MAN1A1: variants seen among roughly 807,000 people sequenced by gnomAD.
MAN1A1 encodes mannosyl-oligosaccharide 1,2-alpha-mannosidase IA.
In MAN1A1, 29 loss-of-function variants were observed where a neutral mutation model predicts 70.8. That is an observed-to-expected ratio of 0.41 (90% confidence interval 0.31 to 0.56). MAN1A1 has a LOEUF of 0.56. Among genes scored for constraint, MAN1A1 ranks in the 20% least tolerant of loss-of-function variants. The pLI, the probability that MAN1A1 is intolerant of heterozygous loss-of-function variation, is 0.29. For missense variants in MAN1A1, 747 were observed against 841.3 expected (o/e 0.89, Z 1.39); for synonymous variants, 349 against 330.1 (o/e 1.06, Z -0.62).
intron 5 of MAN1A1, among the ~76,000 whole-genome samples, chr6:119,280,821 T>A (rs1776208742): frequency 6.6e-6 from 1 of 152,234 alleles, no homozygotes; most frequent in African/African-American, 2.4e-5. Flanking sequence ...AGTGATTCAA[T>A]ATAAATCAAA....
At chr6:119,266,430 A>G (rs1242987816) in intron 5 of MAN1A1, among the ~76,000 whole-genome samples, 1 of 152,188 alleles carries the variant, frequency 6.6e-6, no homozygotes, top group Non-Finnish European at 1.5e-5. Flanking sequence ...ATTGATCCAC[A>G]TAAATACAGT....
chr6:119,322,253 T>G (rs1562241800), intron 2 of MAN1A1, among the ~76,000 whole-genome samples: 2 of 152,208 alleles, frequency 1.3e-5, no homozygotes, highest in Non-Finnish European at 2.9e-5. Flanking sequence ...TGTATGTCTG[T>G]GATGATCTTA....
intron 6 of MAN1A1, among the ~76,000 whole-genome samples, chr6:119,214,193 T>C (rs1272085718): frequency 6.6e-6 from 1 of 152,132 alleles, no homozygotes; most frequent in East Asian, 1.9e-4. Context: ...CTCGAACTCC[T>C]GACCTCGTGA....
intron 2 of MAN1A1, among the ~76,000 whole-genome samples, chr6:119,329,883 G>A (rs1174546468): frequency 6.6e-6 from 1 of 152,070 alleles, no homozygotes; most frequent in East Asian, 1.9e-4. Flanking sequence ...TCTTCTACCT[G>A]CTTCTTACCA....
chr6:119,321,888 G>A (rs1307227009), intron 2 of MAN1A1, among the ~76,000 whole-genome samples: 3 of 152,028 alleles, frequency 2.0e-5, no homozygotes, highest in Non-Finnish European at 4.4e-5. Context: ...CAAAGTGCTG[G>A]GATTACAGGC....
At chr6:119,275,496 C>A (rs1212758957) in intron 5 of MAN1A1, among the ~76,000 whole-genome samples, 2 of 147,936 alleles carry the variant, frequency 1.4e-5, no homozygotes, top group Admixed American at 6.7e-5. Context: ...TTAGTAGAGA[C>A]GGGGTTTCAC....
intron 11 of MAN1A1, among the ~76,000 whole-genome samples, chr6:119,186,007 G>A (rs1487174413): frequency 6.6e-6 from 1 of 152,118 alleles, no homozygotes; most frequent in African/African-American, 2.4e-5. Flanking sequence ...CAAGGGAAAT[G>A]ATGGATGAGG....
At chr6:119,295,249 A>G (rs1772174802) in intron 4 of MAN1A1, among the ~76,000 whole-genome samples, 1 of 152,158 alleles carries the variant, frequency 6.6e-6, no homozygotes, top group Non-Finnish European at 1.5e-5. Context: ...TAGACAAGAC[A>G]GCACTTTAAA....
chr6:119,332,420 C>T (rs171843), intron 2 of MAN1A1, among the ~76,000 whole-genome samples: 27,704 of 152,102 alleles, frequency 0.18, 2,883 homozygotes, highest in Admixed American at 0.29. Context: ...TTAACTGTTG[C>T]CTCTGTTTTA....
At chr6:119,305,940 TTAG>T (rs1170736884) in intron 3 of MAN1A1, among the ~76,000 whole-genome samples, 1 of 152,126 alleles carries the variant, frequency 6.6e-6, no homozygotes, top group Non-Finnish European at 1.5e-5. Flanking sequence ...GCTCTGCCAG[TTAG>T]TAGGTGGCTA....
intron 2 of MAN1A1, among the ~76,000 whole-genome samples, chr6:119,345,631 T>A (rs1472438082): frequency 6.6e-6 from 1 of 152,218 alleles, no homozygotes; most frequent in Non-Finnish European, 1.5e-5. Flanking sequence ...ACTAGTAACA[T>A]AAATGTGCCA....
chr6:119,180,273 G>T, intron 12 of MAN1A1, 39 bp downstream of exon 12: 1 of 1,384,446 alleles, frequency 7.2e-7, no homozygotes, highest in Non-Finnish European at 1.0e-6. Context: ...ATCTGTTCAG[G>T]TACCTTAGCC....
chr6:119,340,193 C>T (rs1345981352), intron 2 of MAN1A1, among the ~76,000 whole-genome samples: 1 of 152,162 alleles, frequency 6.6e-6, no homozygotes, highest in African/African-American at 2.4e-5. Flanking sequence ...CCTGAGCTTC[C>T]CTAATCATTC....
At chr6:119,185,260 T>A (rs746679461) in intron 11 of MAN1A1, among the ~76,000 whole-genome samples, 3 of 152,184 alleles carry the variant, frequency 2.0e-5, no homozygotes, top group Non-Finnish European at 4.4e-5. Context: ...GACTCACAAG[T>A]GCTTGAACAC....
chr6:119,241,572 C>T (rs1775004051), intron 6 of MAN1A1, among the ~76,000 whole-genome samples: 1 of 152,166 alleles, frequency 6.6e-6, no homozygotes, highest in Admixed American at 6.6e-5. Flanking sequence ...ATGATCTCTC[C>T]TGGCAATTGT....
At chr6:119,242,730 T>A (rs1484969609) in intron 6 of MAN1A1, among the ~76,000 whole-genome samples, 1 of 152,176 alleles carries the variant, frequency 6.6e-6, no homozygotes, top group African/African-American at 2.4e-5. Context: ...GAGGTCAAGA[T>A]AGGCATTATT....
At chr6:119,322,715 A>T (rs991845742) in intron 2 of MAN1A1, among the ~76,000 whole-genome samples, 6 of 152,234 alleles carry the variant, frequency 3.9e-5, no homozygotes, top group Non-Finnish European at 7.3e-5. Flanking sequence ...TGATGAAGAC[A>T]CTTAAGTATT....
At chr6:119,320,182 C>T (rs1273074734) in intron 2 of MAN1A1, among the ~76,000 whole-genome samples, 1 of 152,144 alleles carries the variant, frequency 6.6e-6, no homozygotes, top group South Asian at 2.1e-4. Flanking sequence ...CTATGTTGGC[C>T]AGGCTGGTCT....
At chr6:119,277,387 A>C (rs1776095148) in intron 5 of MAN1A1, among the ~76,000 whole-genome samples, 1 of 152,260 alleles carries the variant, frequency 6.6e-6, no homozygotes, top group Admixed American at 6.5e-5. Flanking sequence ...AAGTGATATC[A>C]CAAGAAAGTC....
Sources: allele counts gnomAD v4.1 joint callset (sites outside exome capture counted in the v4.1 genomes callset), GRCh38; gene constraint gnomAD v4.1.1; transcripts MANE v1.5; gene names NCBI Gene and HGNC (gene_info 2026-07-23, HGNC 2026-07-21).